The following TPRG1 variants were observed in gnomAD, a reference collection of about 807,000 sequenced individuals.
TPRG1 encodes tumor protein p63 regulated 1.
A neutral mutation model predicts 29.3 loss-of-function variants in TPRG1; 29 were observed. The ratio of observed to expected loss-of-function variants is 0.99; its 90% CI spans 0.74 to 1.35. TPRG1 has a LOEUF of 1.35. TPRG1 is among the 40% of genes most tolerant of loss of function. The probability of loss-of-function intolerance (pLI) is 0.00; values close to 1 mark genes in which losing one functional copy is unlikely to be tolerated. For missense variants in TPRG1, 327 were observed against 335.0 expected (o/e 0.98, Z 0.19); for synonymous variants, 130 against 116.8 (o/e 1.11, Z -0.73).
chr3:189,197,505 G>C (rs1034150414), intron 1 of TPRG1, among the ~76,000 whole-genome samples: 3 of 152,196 alleles, frequency 2.0e-5, no homozygotes, highest in Admixed American at 6.5e-5. Context: ...ACAGTCTTCA[G>C]GGTCAGGCCA....
At chr3:189,280,474 T>G (rs1716938000) in intron 4 of TPRG1, among the ~76,000 whole-genome samples, 1 of 152,066 alleles carries the variant, frequency 6.6e-6, no homozygotes, top group Admixed American at 6.6e-5. Flanking sequence ...ATTGAAAAAC[T>G]TAGAGCTTTT....
At position 189,218,136 on chromosome 3, in the gene TPRG1, G is replaced by A. The variant is rs982726683; in HGVS notation, c.302+2753G>A. 57 of 762,716 alleles carry A rather than the reference G, an allele frequency of 7.5e-5. No homozygotes were observed. The Admixed American group carries it at 2.4e-3, about 32-fold the overall frequency. The allele number at this position is 762,716 out of a possible 1,614,324, so 47.2% of individuals were successfully genotyped here. A position where few individuals can be genotyped will look rare whatever the true frequency, so the allele number is the denominator to read the frequency against. On this transcript the variant is annotated intron_variant, in intron 3 of 5. Coordinates refer to ENST00000345063, the MANE Select transcript of TPRG1 (RefSeq NM_198485.4). The stretch of plus-strand genomic sequence containing the variant: ...AGATTCTCTCTTTTTTTTTTGAGAC[G>A]GAGTCTCGCTCTGTCACCCAGGCTG...
At chr3:189,055,258 CCTT>C (rs1560417391) in intron 4 of TPRG1, among the ~76,000 whole-genome samples, 1 of 152,196 alleles carries the variant, frequency 6.6e-6, no homozygotes, top group Non-Finnish European at 1.5e-5. Flanking sequence ...TTTCCAAAGA[CCTT>C]CTACTGTTCC....
intron 4 of TPRG1, among the ~76,000 whole-genome samples, chr3:189,240,958 A>G (rs1740476689): frequency 6.6e-6 from 1 of 152,194 alleles, no homozygotes; most frequent in African/African-American, 2.4e-5. Context: ...GTTTTTTAAT[A>G]GTGCAGAATA....
In TPRG1 at chr3:189,225,088, C is replaced by T. The variant is rs567165078; in HGVS notation, c.302+9705C>T. 2.0e-4 allele frequency among the ~76,000 whole-genome samples: 31 copies of T among 152,186 alleles called. No individual in the cohort carries two copies. The South Asian group carries it at 5.4e-3, about 26-fold the overall frequency. ...CTGGGACTACAGGCGCCCGCCACCA[C>T]GCCTGGCTAATTTTCTGTATTTTTA... On this transcript the variant is annotated intron_variant, in intron 3 of 5. Transcript: ENST00000345063.
chr3:189,128,893 C>G (rs1289775417), intron 2 of TPRG1, among the ~76,000 whole-genome samples: 1 of 152,192 alleles, frequency 6.6e-6, no homozygotes, highest in Non-Finnish European at 1.5e-5. Context: ...CCTCAGCCTC[C>G]TGAGTAGCTG....
intron 3 of TPRG1, among the ~76,000 whole-genome samples, chr3:189,142,195 C>A (rs1282293773): frequency 2.0e-5 from 3 of 152,140 alleles, no homozygotes; most frequent in Non-Finnish European, 4.4e-5. Context: ...GGAGAAGCTC[C>A]TTCCATCTTC....
chr3:189,206,828 T>TGTGTGTGTGTGC (rs1001912347), intron 1 of TPRG1, among the ~76,000 whole-genome samples: 2 of 151,782 alleles, frequency 1.3e-5, no homozygotes, highest in African/African-American at 2.4e-5. Context: ...TGTGTGTGTG[T>TGTGTGTGTGTGC]GCACGCGTGT....
intron 3 of TPRG1, among the ~76,000 whole-genome samples, chr3:189,238,341 G>C (rs1179588305): frequency 2.6e-5 from 4 of 152,180 alleles, no homozygotes; most frequent in Admixed American, 6.6e-5. Flanking sequence ...TACGGATTCA[G>C]CTAGAACAAA....
chr3:189,007,725 T>G (rs1311576569), intron 3 of TPRG1, among the ~76,000 whole-genome samples: 4 of 138,700 alleles, frequency 2.9e-5, no homozygotes, highest in South Asian at 2.4e-4. Flanking sequence ...CCATAAAAAA[T>G]GATGAGTTCA....
chr3:189,226,176 T>A (rs918159569), intron 3 of TPRG1, among the ~76,000 whole-genome samples: 4 of 152,190 alleles, frequency 2.6e-5, no homozygotes, highest in African/African-American at 9.7e-5. Flanking sequence ...ATGGAACACT[T>A]CATTCAATAA....
intron 4 of TPRG1, among the ~76,000 whole-genome samples, chr3:189,041,470 G>T (rs1360762399): frequency 6.6e-6 from 1 of 152,170 alleles, no homozygotes; most frequent in African/African-American, 2.4e-5. Flanking sequence ...TCTTTAGCAC[G>T]TACTTCACAG....
chr3:189,079,381 C>T (rs996674096), intron 4 of TPRG1, among the ~76,000 whole-genome samples: 2 of 152,134 alleles, frequency 1.3e-5, no homozygotes. Flanking sequence ...TCACTGTTAC[C>T]ACTTGCTTAC....
At chr3:189,128,526 G>A (rs1262876451) in intron 2 of TPRG1, among the ~76,000 whole-genome samples, 2 of 152,150 alleles carry the variant, frequency 1.3e-5, no homozygotes, top group Non-Finnish European at 2.9e-5. Context: ...TCTGGCAACT[G>A]TAGTTGAATG....
At chr3:189,139,094 C>T (rs1724171607) in intron 3 of TPRG1, among the ~76,000 whole-genome samples, 1 of 152,178 alleles carries the variant, frequency 6.6e-6, no homozygotes, top group South Asian at 2.1e-4. Context: ...TAGAAAGCAC[C>T]ATGTGGTTTA....
intron 3 of TPRG1, among the ~76,000 whole-genome samples, chr3:189,224,337 C>T (rs927166513): frequency 2.0e-5 from 3 of 152,080 alleles, no homozygotes; most frequent in African/African-American, 7.2e-5. Context: ...AAAAACTAGC[C>T]AGGCGTGGTG....
intron 1 of TPRG1, among the ~76,000 whole-genome samples, chr3:189,106,300 T>C (rs1052881374): frequency 4.6e-5 from 7 of 152,112 alleles, no homozygotes; most frequent in African/African-American, 1.7e-4. Flanking sequence ...TCCCCCACCC[T>C]GGGAATATTG....
At chr3:189,105,000 A>G (rs889074274) in intron 1 of TPRG1, among the ~76,000 whole-genome samples, 5 of 152,140 alleles carry the variant, frequency 3.3e-5, no homozygotes, top group African/African-American at 7.2e-5. Flanking sequence ...CTAATTCCCT[A>G]ACCAAACTCT....
intron 4 of TPRG1, among the ~76,000 whole-genome samples, chr3:189,255,952 CA>C (rs200215209): frequency 6.6e-6 from 1 of 150,856 alleles, no homozygotes; most frequent in East Asian, 1.9e-4. Context: ...TAATCTTTTC[CA>C]AAAAAAACAG....
Sources: gnomAD v4.1 joint callset for allele counts (sites outside exome capture counted in the v4.1 genomes callset) on GRCh38, gnomAD v4.1.1 for gene constraint, MANE v1.5 for transcripts, NCBI Gene and HGNC (gene_info 2026-07-23, HGNC 2026-07-21) for gene names.